The following FHIT variants were observed in gnomAD, a reference collection of about 807,000 sequenced individuals.
FHIT encodes the protein bis(5'-adenosyl)-triphosphatase.
FHIT carries 19 observed loss-of-function variants against 17.9 expected under a neutral mutation model. The ratio of observed to expected loss-of-function variants is 1.06; its 90% CI spans 0.74 to 1.56. FHIT has a LOEUF of 1.56. FHIT is among the 40% of genes most tolerant of loss of function. The probability of loss-of-function intolerance (pLI) is 0.00; values close to 1 mark genes in which losing one functional copy is unlikely to be tolerated. For synonymous variants in FHIT, 81 were observed against 69.7 expected (o/e 1.16, Z -0.81); for missense variants, 248 against 189.2 (o/e 1.31, Z -1.82).
At chr3:60,399,908 G>T in intron 5 of FHIT, among the ~76,000 whole-genome samples, 1 of 152,120 alleles carries the variant, frequency 6.6e-6, no homozygotes, top group Non-Finnish European at 1.5e-5. Flanking sequence ...CAGAGGATGA[G>T]ATTTCTTTTA....
intron 4 of FHIT, among the ~76,000 whole-genome samples, chr3:60,580,531 T>C (rs1414832225): frequency 6.6e-6 from 1 of 150,754 alleles, no homozygotes; most frequent in Non-Finnish European, 1.5e-5. Flanking sequence ...TTTATCTGTA[T>C]GGTTAATATT....
At chr3:60,257,306 T>C (rs941081847) in intron 5 of FHIT, among the ~76,000 whole-genome samples, 2 of 152,196 alleles carry the variant, frequency 1.3e-5, no homozygotes, top group African/African-American at 2.4e-5. Flanking sequence ...TGGACACCAG[T>C]TGCCAAATGA....
intron 8 of FHIT, among the ~76,000 whole-genome samples, chr3:59,797,387 A>T (rs539410158): frequency 6.6e-6 from 1 of 152,216 alleles, no homozygotes; most frequent in South Asian, 2.1e-4. Flanking sequence ...GGGTTTTACT[A>T]TGTTGGCCAG....
At chr3:61,020,715 T>C (rs537433306) in intron 3 of FHIT, among the ~76,000 whole-genome samples, 2 of 152,162 alleles carry the variant, frequency 1.3e-5, no homozygotes, top group African/African-American at 2.4e-5. Flanking sequence ...AATTGAAAGA[T>C]GCAGACTGGC....
chr3:60,132,957 C>A (rs1019815518), intron 5 of FHIT, among the ~76,000 whole-genome samples: 1 of 151,870 alleles, frequency 6.6e-6, no homozygotes, highest in Admixed American at 6.6e-5. Flanking sequence ...AAATGACATA[C>A]TGAAATAGCA....
intron 2 of FHIT, among the ~76,000 whole-genome samples, chr3:61,145,718 C>T (rs575754507): frequency 1.1e-4 from 16 of 151,690 alleles, no homozygotes; most frequent in African/African-American, 3.9e-4. Flanking sequence ...CTAGTTTTCA[C>T]ATCTTATACT....
rs1703594254 is a variant in FHIT at position 60,860,155 on chromosome 3, T to TGA, written c.-110-38146_-110-38145dup. Among the ~76,000 whole-genome samples the TGA allele has an allele frequency of 1.4e-4, 11 of 77,140 alleles. No individual in the cohort carries two copies. The East Asian group carries it at 1.5e-3, about 10-fold the overall frequency. 50.6% of individuals were successfully genotyped at this position (77,140 alleles called of 152,430 possible). A position where few individuals can be genotyped will look rare whatever the true frequency, so the allele number is the denominator to read the frequency against. ...CTGATATATATACATATGGTATATA[T>TGA]GATATACATCATATGTATATATGGT... is the stretch of plus-strand genomic sequence containing the variant. On this transcript the variant is annotated intron_variant, in intron 3 of 9. Transcript: ENST00000492590.
chr3:60,745,906 G>T (rs543338697), intron 4 of FHIT, among the ~76,000 whole-genome samples: 1 of 152,256 alleles, frequency 6.6e-6, no homozygotes, highest in East Asian at 1.9e-4. Context: ...AGTGATCATA[G>T]CTTTATACTT....
At chr3:61,225,595 T>A (rs1200466231) in intron 1 of FHIT, among the ~76,000 whole-genome samples, 2 of 152,258 alleles carry the variant, frequency 1.3e-5, no homozygotes, top group Non-Finnish European at 2.9e-5. Context: ...TTATATACTT[T>A]CTGCGGTTTC....
intron 5 of FHIT, among the ~76,000 whole-genome samples, chr3:60,235,321 C>G (rs562419868): frequency 2.2e-4 from 34 of 151,516 alleles, no homozygotes; most frequent in Non-Finnish European, 3.7e-4. Context: ...ACCTCCGCCT[C>G]CTGGGTTCAA....
intron 3 of FHIT, among the ~76,000 whole-genome samples, chr3:60,928,049 A>G (rs1481069083): frequency 2.0e-5 from 3 of 152,196 alleles, no homozygotes; most frequent in African/African-American, 7.2e-5. Context: ...GTGTCAACTC[A>G]GGGTTAAATG....
chr3:60,326,583 A>G (rs1709705536), intron 5 of FHIT, among the ~76,000 whole-genome samples: 1 of 152,186 alleles, frequency 6.6e-6, no homozygotes, highest in African/African-American at 2.4e-5. Context: ...CAGGCCATGG[A>G]CTGGTCCATG....
chr3:60,034,495 G>C (rs1308254434), intron 5 of FHIT, among the ~76,000 whole-genome samples: 1 of 152,190 alleles, frequency 6.6e-6, no homozygotes, highest in African/African-American at 2.4e-5. Flanking sequence ...CCATCAATTA[G>C]AGGGGAACAT....
At chr3:60,733,432 T>TTTTTG (rs1235423342) in intron 4 of FHIT, among the ~76,000 whole-genome samples, 48 of 152,282 alleles carry the variant, frequency 3.2e-4, no homozygotes, top group Admixed American at 1.8e-3. Flanking sequence ...ATTTGTGTGG[T>TTTTTG]TTTTGTTTTG....
chr3:60,573,136 G>C (rs1353964996), intron 4 of FHIT, among the ~76,000 whole-genome samples: 2 of 152,076 alleles, frequency 1.3e-5, no homozygotes, highest in African/African-American at 2.4e-5. Context: ...GAAAGCCTGG[G>C]GTCAGGAAGG....
At chr3:60,816,993 A>AT (rs1315824260) in intron 4 of FHIT, among the ~76,000 whole-genome samples, 2 of 147,596 alleles carry the variant, frequency 1.4e-5, no homozygotes, top group Non-Finnish European at 3.0e-5. Flanking sequence ...CTTTTGGATC[A>AT]TTTTTTTCTT....
chr3:60,373,452 A>C (rs985657039), intron 5 of FHIT, among the ~76,000 whole-genome samples: 2 of 152,198 alleles, frequency 1.3e-5, no homozygotes, highest in Admixed American at 6.5e-5. Context: ...ATAGTGTGAG[A>C]CTAGGCAGAG....
chr3:60,164,883 T>G (rs557684649), intron 5 of FHIT, among the ~76,000 whole-genome samples: 10 of 152,188 alleles, frequency 6.6e-5, no homozygotes, highest in Non-Finnish European at 1.3e-4. Context: ...TTCTTCCCTA[T>G]GGCTCTGTCC....
intron 5 of FHIT, among the ~76,000 whole-genome samples, chr3:60,287,726 G>A (rs1431223829): frequency 2.0e-5 from 3 of 152,038 alleles, no homozygotes; most frequent in Non-Finnish European, 2.9e-5. Flanking sequence ...AAAATGGGGA[G>A]ACAAAGAAGG....
Sources: allele counts gnomAD v4.1 joint callset (sites outside exome capture counted in the v4.1 genomes callset), GRCh38; gene constraint gnomAD v4.1.1; transcripts MANE v1.5; gene names NCBI Gene and HGNC (gene_info 2026-07-23, HGNC 2026-07-21).